Variants in APIP observed in about 807,000 individuals in gnomAD.
APIP encodes methylthioribulose-1-phosphate dehydratase.
Under a neutral mutation model 32.0 loss-of-function variants are expected in APIP, and 32 were observed. That is an observed-to-expected ratio of 1.00 (90% CI 0.76 to 1.34). The LOEUF (loss-of-function observed/expected upper bound fraction) is 1.34. Ranked by LOEUF, APIP falls within the 40% of genes most tolerant of loss-of-function variation. The pLI is 0.00. For missense variants in APIP, 247 were observed against 298.6 expected (o/e 0.83, Z 1.27); for synonymous variants, 92 against 94.8 (o/e 0.97, Z 0.17).
chr11:34,909,758 A>G (rs1853516107), intron 1 of APIP, among the ~76,000 whole-genome samples: 1 of 152,198 alleles, frequency 6.6e-6, no homozygotes, highest in Admixed American at 6.5e-5. Context: ...AAAGGAAATG[A>G]TTCCTAATAG....
chr11:34,900,390 C>G (rs1853354906), intron 1 of APIP, among the ~76,000 whole-genome samples: 1 of 152,102 alleles, frequency 6.6e-6, no homozygotes, highest in Non-Finnish European at 1.5e-5. Flanking sequence ...CTCCCCATTT[C>G]ACTCTTACTG....
chr11:34,910,261 A>G (rs56254718), intron 1 of APIP, among the ~76,000 whole-genome samples: 2,051 of 152,340 alleles, frequency 0.013, 39 homozygotes, highest in African/African-American at 0.047. Context: ...AATTAGGTCA[A>G]CCACGACCTT....
chr11:34,909,092 TGGAA>T (rs1310606035), intron 1 of APIP, among the ~76,000 whole-genome samples: 1 of 151,960 alleles, frequency 6.6e-6, no homozygotes, highest in Admixed American at 6.6e-5. Context: ...AAAAGGAAGC[TGGAA>T]GGAAGGGACT....
intron 1 of APIP, among the ~76,000 whole-genome samples, chr11:34,907,127 C>T (rs552483292): frequency 7.2e-5 from 11 of 152,246 alleles, no homozygotes; most frequent in African/African-American, 2.4e-4. Flanking sequence ...GGTGACATCT[C>T]CTCAGGAAGG....
rs769228399 is a variant in APIP, at chr11:34,916,341, C to A, written c.-57G>T. 123 of 1,597,926 alleles carry A rather than the reference C, an allele frequency of 7.7e-5. No homozygotes were observed. The East Asian group carries it at 8.6e-4, about 11-fold the overall frequency. Reference sequence around the variant, plus strand: ...TCTCCGCACGGCTTTGCGCGCGGCGCTTAGCCTGGGATACGGCAGCGAGGC... The same window carrying A: ...TCTCCGCACGGCTTTGCGCGCGGCGATTAGCCTGGGATACGGCAGCGAGGC... On this transcript the variant is annotated 5_prime_UTR_variant, in exon 1 of 7. Coordinates refer to ENST00000395787, the MANE Select transcript of APIP (RefSeq NM_015957.4).
intron 1 of APIP, among the ~76,000 whole-genome samples, chr11:34,904,225 A>G (rs1293990820): frequency 6.6e-6 from 1 of 152,346 alleles, no homozygotes; most frequent in East Asian, 1.9e-4. Context: ...AGTTAATGAA[A>G]TAACTTCCTG....
chr11:34,916,106 G>T, intron 1 of APIP, 122 bp downstream of exon 1: 1 of 1,334,900 alleles, frequency 7.5e-7, no homozygotes. Context: ...CGAACGGCCA[G>T]GCCCGAAACC....
chr11:34,905,451 G>C (rs900079526), intron 1 of APIP, among the ~76,000 whole-genome samples: 1 of 152,120 alleles, frequency 6.6e-6, no homozygotes, highest in Non-Finnish European at 1.5e-5. Context: ...AATTGGACAT[G>C]GTATGGGAGC....
chr11:34,902,893 G>A (rs1294365203), intron 1 of APIP, among the ~76,000 whole-genome samples: 2 of 152,220 alleles, frequency 1.3e-5, no homozygotes, highest in African/African-American at 4.8e-5. Context: ...TGATTTGGTG[G>A]CTAAAGGATG....
At chr11:34,904,087 A>G (rs1853405401) in intron 1 of APIP, among the ~76,000 whole-genome samples, 1 of 152,222 alleles carries the variant, frequency 6.6e-6, no homozygotes, top group African/African-American at 2.4e-5. Context: ...AGACTGGCAA[A>G]TAGACTTCAC....
intron 6 of APIP, 91 bp from the exon 7 acceptor site, chr11:34,882,907 T>C (rs1365489729): frequency 6.8e-6 from 6 of 883,928 alleles, no homozygotes; most frequent in Middle Eastern, 2.2e-4. Flanking sequence ...TGCAGTTAAC[T>C]CTGCTTTGTT....
chr11:34,884,170 A>G (rs1294136478), intron 5 of APIP, among the ~76,000 whole-genome samples: 1 of 152,242 alleles, frequency 6.6e-6, no homozygotes, highest in African/African-American at 2.4e-5. Flanking sequence ...AATTAAGTCT[A>G]TTCTTGCAAA....
Position 34,916,319 on chromosome 11 carries a change from CCGCACGGCTTTG to C in APIP, c.-47_-36del. On this transcript the variant is annotated 5_prime_UTR_variant, in exon 1 of 7. Coordinates refer to ENST00000395787, the MANE Select transcript of APIP (RefSeq NM_015957.4). ...CAGGGACCCGCGCGGCCTCCAATCT[CCGCACGGCTTTG>C]CGCGCGGCGCTTAGCCTGGGATACG... The C allele has an allele frequency of 1.2e-6, 2 of 1,608,798 alleles. No individual in the cohort carries two copies. Among genetic ancestry groups the C allele is most frequent in the Non-Finnish European group, 1.7e-6 (2 of 1,177,818 alleles).
intron 1 of APIP, among the ~76,000 whole-genome samples, chr11:34,897,641 T>G (rs1421510191): frequency 3.3e-5 from 5 of 152,026 alleles, no homozygotes; most frequent in African/African-American, 1.2e-4. Context: ...AGGGCCAGGA[T>G]AGCAAGCTTT....
At chr11:34,891,969 A>G (rs1473593108) in intron 2 of APIP, among the ~76,000 whole-genome samples, 1 of 152,166 alleles carries the variant, frequency 6.6e-6, no homozygotes, top group South Asian at 2.1e-4. Context: ...AAATTTATGC[A>G]GTCCTGGGAA....
In APIP at chr11:34,888,278, A is replaced by G. The variant is rs748180304; in HGVS notation, c.461+15T>C. The G allele has an allele frequency of 6.7e-7, 1 of 1,496,386 alleles. No homozygotes were observed. Among genetic ancestry groups the G allele is most frequent in the South Asian group, 1.3e-5 (1 of 79,552 alleles). The allele number at this position is 1,496,386 out of a possible 1,614,324, so 92.7% of individuals were successfully genotyped here. ...ATTCTTTTCAAATTATTTAAGAAAA[A>G]GGAAAAAAAAATACCTATAATACCC... On this transcript the variant is annotated intron_variant, in intron 5 of 6. Coordinates refer to ENST00000395787, the MANE Select transcript of APIP (RefSeq NM_015957.4).
rs1406249195 is a variant in APIP, at chr11:34,916,359, AG to A, written c.-76del. On this transcript the variant is annotated 5_prime_UTR_variant, in exon 1 of 7. Transcript: ENST00000395787. ...CGCGGCGCTTAGCCTGGGATACGGC[AG>A]CGAGGCCGCAAATGCAATCAGGCGG... 1 of 1,575,700 alleles carries A rather than the reference AG, an allele frequency of 6.3e-7. No homozygotes were observed. The highest frequency in any genetic ancestry group is 8.6e-7 in the Non-Finnish European group (1 of 1,160,718).
intron 1 of APIP, among the ~76,000 whole-genome samples, chr11:34,908,036 T>TACATGC (rs1565139611): frequency 6.6e-6 from 1 of 151,958 alleles, no homozygotes; most frequent in Non-Finnish European, 1.5e-5. Flanking sequence ...CTCATACAAG[T>TACATGC]ATAAAATAAC....
chr11:34,909,924 G>T (rs118021823), intron 1 of APIP, among the ~76,000 whole-genome samples: 33 of 152,254 alleles, frequency 2.2e-4, no homozygotes, highest in South Asian at 4.2e-4. Flanking sequence ...AGGAAGGTGA[G>T]GAAGTTCATT....
Sources: gnomAD v4.1 joint callset for allele counts (sites outside exome capture counted in the v4.1 genomes callset) on GRCh38, gnomAD v4.1.1 for gene constraint, MANE v1.5 for transcripts, NCBI Gene and HGNC (gene_info 2026-07-23, HGNC 2026-07-21) for gene names.